Variants in TRIM14 observed in about 807,000 individuals in gnomAD.
TRIM14 encodes the protein tripartite motif containing 14, also known as tripartite motif-containing protein 14.
TRIM14 carries 28 observed loss-of-function variants against 44.5 expected under a neutral mutation model. The ratio of observed to expected loss-of-function variants is 0.63; its 90% CI spans 0.47 to 0.86. The LOEUF (loss-of-function observed/expected upper bound fraction) is 0.86. Ranked by LOEUF, TRIM14 falls within the 40% of genes least tolerant of loss-of-function variation. TRIM14 has a pLI of 0.00. For synonymous variants in TRIM14, 299 were observed against 269.2 expected (o/e 1.11, Z -1.08); for missense variants, 607 against 611.1 (o/e 0.99, Z 0.07).
chr9:98,044,109 G>A, the TRIM14 span, among the ~76,000 whole-genome samples: 1 of 150,592 alleles, frequency 6.6e-6, no homozygotes, highest in African/African-American at 2.4e-5. Flanking sequence ...ACTCCATAGT[G>A]TGTCACCACT....
chr9:98,048,085 TA>T, the TRIM14 span, among the ~76,000 whole-genome samples: 1 of 144,156 alleles, frequency 6.9e-6, no homozygotes, highest in South Asian at 2.2e-4. Context: ...AAAAAAAAAG[TA>T]TGGAAATGTC....
the TRIM14 span, among the ~76,000 whole-genome samples, chr9:98,038,082 T>A: frequency 6.6e-6 from 1 of 152,002 alleles, no homozygotes; most frequent in Non-Finnish European, 1.5e-5. Flanking sequence ...ATGGAGTCTT[T>A]CTGTGTCACC....
intron 2 of TRIM14, among the ~76,000 whole-genome samples, chr9:98,105,186 C>CGG (rs149832941): frequency 0.063 from 9,552 of 152,248 alleles, 397 homozygotes; most frequent in Middle Eastern, 0.13. Flanking sequence ...ACAGCTCCTG[C>CGG]GGGTCACAGA....
chr9:98,037,106 G>A, the TRIM14 span, among the ~76,000 whole-genome samples: 6 of 152,094 alleles, frequency 3.9e-5, no homozygotes, highest in Non-Finnish European at 7.4e-5. Flanking sequence ...GGCCGGGCAC[G>A]GTGGCTCACA....
intron 2 of TRIM14, among the ~76,000 whole-genome samples, chr9:98,105,917 T>A (rs1002105778): frequency 5.3e-5 from 8 of 152,250 alleles, no homozygotes; most frequent in East Asian, 1.9e-4. Flanking sequence ...TCATCCAGGG[T>A]CACAGGTGAA....
At chr9:98,057,223 C>G in the TRIM14 span, among the ~76,000 whole-genome samples, 3 of 152,260 alleles carry the variant, frequency 2.0e-5, no homozygotes, top group African/African-American at 7.2e-5. Context: ...CAGACCATCC[C>G]CCCTGCCTGG....
At chr9:98,115,342 T>A (rs931687256) in intron 1 of TRIM14, among the ~76,000 whole-genome samples, 1 of 152,044 alleles carries the variant, frequency 6.6e-6, no homozygotes, top group Non-Finnish European at 1.5e-5. Context: ...CTCTGCCTCG[T>A]GGGGTTCAAG....
At chr9:98,083,017 G>T, downstream of TRIM14, 2 of 1,614,198 alleles carry the variant, frequency 1.2e-6, no homozygotes, top group Non-Finnish European at 1.7e-6. Flanking sequence ...CATCATGGAA[G>T]AATTGGTAGA....
chr9:98,118,932 G>A, intron 1 of TRIM14, 50 bp downstream of exon 1: 2 of 1,445,968 alleles, frequency 1.4e-6, no homozygotes, highest in South Asian at 1.4e-5. Context: ...TTATGCCTGG[G>A]CTGGCTCCCC....
the TRIM14 span, among the ~76,000 whole-genome samples, chr9:98,054,875 A>G: frequency 2.6e-5 from 4 of 152,208 alleles, no homozygotes; most frequent in African/African-American, 7.2e-5. Flanking sequence ...CACCATGCCC[A>G]CTACCTACAC....
At chr9:98,060,937 G>A in the TRIM14 span, 1 of 1,614,204 alleles carries the variant, frequency 6.2e-7, no homozygotes, top group Non-Finnish European at 8.5e-7. Context: ...ACCAGTACAG[G>A]GAGCTGCAGA....
At chr9:98,050,267 T>A in the TRIM14 span, among the ~76,000 whole-genome samples, 1 of 152,198 alleles carries the variant, frequency 6.6e-6, no homozygotes, top group Non-Finnish European at 1.5e-5. Flanking sequence ...TAAACTTGAT[T>A]TAACAATTCC....
At chr9:98,036,681 G>A in the TRIM14 span, among the ~76,000 whole-genome samples, 12 of 152,086 alleles carry the variant, frequency 7.9e-5, no homozygotes. Context: ...GCTCATGCCT[G>A]TAATCCCAGC....
At chr9:98,112,964 A>G (rs371793857) in intron 1 of TRIM14, among the ~76,000 whole-genome samples, 31 of 151,704 alleles carry the variant, frequency 2.0e-4, no homozygotes, top group African/African-American at 7.3e-4. Context: ...AAATATAAAA[A>G]TTAACTGGGC....
At chr9:98,078,212 C>T (rs1416639476) in intron 6 of TRIM14, 4 of 1,614,206 alleles carry the variant, frequency 2.5e-6, no homozygotes, top group African/African-American at 1.3e-5. Context: ...TGGTGATCTC[C>T]AGTGGGATGC....
At chr9:98,045,401 T>G in the TRIM14 span, among the ~76,000 whole-genome samples, 1 of 152,198 alleles carries the variant, frequency 6.6e-6, no homozygotes, top group Non-Finnish European at 1.5e-5. Context: ...CTATAACAAG[T>G]GGAGGTATAA....
chr9:98,106,487 G>C (rs1826616303), intron 2 of TRIM14, among the ~76,000 whole-genome samples: 1 of 152,334 alleles, frequency 6.6e-6, no homozygotes, highest in East Asian at 1.9e-4. Context: ...GCCCCCACAT[G>C]AGAGTGCAGG....
At chr9:98,110,648 G>A (rs112182860) in intron 1 of TRIM14, among the ~76,000 whole-genome samples, 9 of 152,102 alleles carry the variant, frequency 5.9e-5, no homozygotes, top group African/African-American at 2.2e-4. Flanking sequence ...GGGCAGGCTC[G>A]CTTCGTTCTC....
the TRIM14 span, among the ~76,000 whole-genome samples, chr9:98,038,923 G>A: frequency 6.6e-6 from 1 of 151,736 alleles, no homozygotes; most frequent in Non-Finnish European, 1.5e-5. Flanking sequence ...GGTAGCAGGT[G>A]CCTGTAGTCC....
Sources: allele counts gnomAD v4.1 joint callset (sites outside exome capture counted in the v4.1 genomes callset), GRCh38; gene constraint gnomAD v4.1.1; transcripts MANE v1.5; gene names NCBI Gene and HGNC (gene_info 2026-07-23, HGNC 2026-07-21).